AKAP6: variants seen among roughly 807,000 people sequenced by gnomAD.
AKAP6 encodes A-kinase anchor protein 6.
AKAP6 carries 58 observed loss-of-function variants against 188.5 expected under a neutral mutation model. The observed-to-expected ratio is 0.31, with a 90% CI of 0.25 to 0.38. The LOEUF (loss-of-function observed/expected upper bound fraction) is 0.38. Ranked by LOEUF, AKAP6 falls within the 10% of genes least tolerant of loss-of-function variation. AKAP6 has a pLI of 1.00. For synonymous variants in AKAP6, 989 were observed against 998.6 expected, an observed-to-expected ratio of 0.99 and a Z score of 0.18; for missense variants, 2,710 against 2,740.0, an observed-to-expected ratio of 0.99 and a Z score of 0.24.
intron 5 of AKAP6, among the ~76,000 whole-genome samples, chr14:32,579,879 GT>G (rs1267643064): frequency 6.6e-6 from 1 of 151,996 alleles, no homozygotes; most frequent in Non-Finnish European, 1.5e-5. Context: ...GGGGCAAGTG[GT>G]ATTTGCAAGA....
intron 7 of AKAP6, among the ~76,000 whole-genome samples, chr14:32,616,736 CT>C (rs1404523416): frequency 6.6e-6 from 1 of 152,104 alleles, no homozygotes; most frequent in African/African-American, 2.4e-5. Context: ...ACATGTACCC[CT>C]GAACTTAAAT....
intron 12 of AKAP6, among the ~76,000 whole-genome samples, chr14:32,790,319 C>A (rs576735245): frequency 1.3e-5 from 2 of 152,274 alleles, no homozygotes; most frequent in South Asian, 4.2e-4. Context: ...TCCAGGAGAA[C>A]TTCCCCAACC....
chr14:32,333,247 A>G (rs760849441), intron 1 of AKAP6, among the ~76,000 whole-genome samples: 1 of 152,128 alleles, frequency 6.6e-6, no homozygotes, highest in Non-Finnish European at 1.5e-5. Flanking sequence ...TAAAATAGCC[A>G]GTGGAATTTA....
intron 12 of AKAP6, among the ~76,000 whole-genome samples, chr14:32,793,368 T>C (rs749054661): frequency 3.3e-5 from 5 of 152,010 alleles, no homozygotes; most frequent in Admixed American, 6.6e-5. Flanking sequence ...AATCAGGGGT[T>C]GCAATCCCAG....
chr14:32,502,951 C>T (rs1408487251), intron 2 of AKAP6, among the ~76,000 whole-genome samples: 2 of 152,022 alleles, frequency 1.3e-5, no homozygotes, highest in East Asian at 1.9e-4. Context: ...CATAAATTCT[C>T]AGAAGTAGAA....
chr14:32,429,439 A>T (rs1025626608), intron 1 of AKAP6, among the ~76,000 whole-genome samples: 7 of 152,218 alleles, frequency 4.6e-5, no homozygotes, highest in African/African-American at 1.4e-4. Flanking sequence ...AAGCATTTTT[A>T]AAAAATTATA....
chr14:32,559,659 T>TA lies in AKAP6; in HGVS notation c.2346+12667dup, dbSNP rs1201375145. 7.3e-4 allele frequency among the ~76,000 whole-genome samples: 111 copies of TA among 151,828 alleles called. 1 individual carries two copies. Among genetic ancestry groups the TA allele is most frequent in the Admixed American group, 7.0e-3 (107 of 15,240 alleles). ...CAATCACTGGGAAGCTTTAAAAAAA[T>TA]AAAAAAACCTCTTTATCCACCCCAG... On this transcript the variant is annotated intron_variant, in intron 4 of 13. Transcript: ENST00000280979.
intron 4 of AKAP6, among the ~76,000 whole-genome samples, chr14:32,565,223 A>G (rs1884133981): frequency 6.6e-6 from 1 of 152,324 alleles, no homozygotes; most frequent in Non-Finnish European, 1.5e-5. Context: ...TAAATGCTTC[A>G]ACTGATTAAG....
chr14:32,446,891 T>G (rs1890772434), intron 2 of AKAP6, among the ~76,000 whole-genome samples: 1 of 152,204 alleles, frequency 6.6e-6, no homozygotes, highest in Non-Finnish European at 1.5e-5. Flanking sequence ...TGTGGTATTT[T>G]TTTACTCATC....
intron 1 of AKAP6, among the ~76,000 whole-genome samples, chr14:32,387,686 A>G (rs898797018): frequency 6.3e-4 from 95 of 151,786 alleles, no homozygotes; most frequent in African/African-American, 2.1e-3. Context: ...CATCCCTGGC[A>G]TGAAACCCAC....
intron 7 of AKAP6, among the ~76,000 whole-genome samples, chr14:32,667,194 C>T (rs1215771085): frequency 6.6e-6 from 1 of 152,030 alleles, no homozygotes; most frequent in Non-Finnish European, 1.5e-5. Context: ...GAGTGTTTAA[C>T]TTTTAATAGA....
chr14:32,361,230 A>C (rs942116720), intron 1 of AKAP6, among the ~76,000 whole-genome samples: 1 of 151,906 alleles, frequency 6.6e-6, no homozygotes, highest in Admixed American at 6.6e-5. Flanking sequence ...GAAAAGCTTC[A>C]GAGAGAAGGC....
chr14:32,492,355 T>TATATATATATATATATAG, intron 2 of AKAP6, among the ~76,000 whole-genome samples: 1,514 of 82,452 alleles, frequency 0.018, 30 homozygotes, highest in Non-Finnish European at 0.027. Context: ...TATATATATA[T>TATATATATATATATATAG]AGAGAGAGAG....
rs527435700 is a variant in AKAP6, at chr14:32,506,291, G to C, written c.325-29263G>C. 1.8e-4 allele frequency among the ~76,000 whole-genome samples: 28 copies of C among 152,220 alleles called. No homozygotes were observed. In the South Asian group the frequency reaches 5.6e-3, roughly 30 times the overall value. On this transcript the variant is annotated intron_variant, in intron 2 of 13. Coordinates refer to ENST00000280979, the MANE Select transcript of AKAP6 (RefSeq NM_004274.5). ...TTTCTGAATCAGGGGCTGGATAACT[G>C]ATCCATTCACAGATTTATTGATTAA...
intron 7 of AKAP6, among the ~76,000 whole-genome samples, chr14:32,625,123 G>A (rs572735915): frequency 1.4e-4 from 22 of 152,144 alleles, no homozygotes; most frequent in Middle Eastern, 3.4e-3. Context: ...CTCAATTTAA[G>A]TAATGTGTAT....
At chr14:32,762,411 A>G (rs2032569767) in intron 11 of AKAP6, among the ~76,000 whole-genome samples, 2 of 152,174 alleles carry the variant, frequency 1.3e-5, no homozygotes, top group African/African-American at 4.8e-5. Flanking sequence ...TTACATGTGA[A>G]TATGAACTAA....
intron 1 of AKAP6, 192 bp from the exon 2 acceptor site, chr14:32,433,268 C>A (rs1890277340): frequency 6.0e-6 from 3 of 497,636 alleles, no homozygotes; most frequent in Non-Finnish European, 1.1e-5. Context: ...GTTTTATGTT[C>A]ATATTATTTC....
At chr14:32,552,815 A>C (rs545626934) in intron 4 of AKAP6, among the ~76,000 whole-genome samples, 2 of 152,352 alleles carry the variant, frequency 1.3e-5, no homozygotes, top group South Asian at 4.1e-4. Context: ...ATGTGGACAC[A>C]CTGAGAAAGA....
At chr14:32,497,132 G>T (rs941885861) in intron 2 of AKAP6, among the ~76,000 whole-genome samples, 1 of 152,116 alleles carries the variant, frequency 6.6e-6, no homozygotes, top group African/African-American at 2.4e-5. Context: ...TGGATAGCTT[G>T]CCAGTAATCG....
Sources: gnomAD v4.1 joint callset for allele counts (sites outside exome capture counted in the v4.1 genomes callset) on GRCh38, gnomAD v4.1.1 for gene constraint, MANE v1.5 for transcripts, NCBI Gene and HGNC (gene_info 2026-07-23, HGNC 2026-07-21) for gene names.